The following SH3GL2 variants were observed in gnomAD, a reference collection of about 807,000 sequenced individuals.
SH3GL2 encodes SH3 domain containing GRB2 like 2, endophilin A1.
Under a neutral mutation model 46.0 loss-of-function variants are expected in SH3GL2, and 24 were observed. The observed-to-expected ratio is 0.52, with a 90% CI of 0.38 to 0.73. The LOEUF is 0.73. Ranked by LOEUF, SH3GL2 falls within the 30% of genes least tolerant of loss-of-function variation. The pLI is 0.00. For synonymous variants in SH3GL2, 196 were observed against 147.1 expected, an observed-to-expected ratio of 1.33 and a Z score of -2.40; for missense variants, 413 against 424.2, an observed-to-expected ratio of 0.97 and a Z score of 0.23.
At chr9:17,626,878 T>G (rs1424579989) in intron 1 of SH3GL2, among the ~76,000 whole-genome samples, 1 of 152,168 alleles carries the variant, frequency 6.6e-6, no homozygotes, top group Non-Finnish European at 1.5e-5. Flanking sequence ...AGAGGAGGCC[T>G]TGAAAATAGT....
At chr9:17,714,680 TGTC>T (rs1821708616) in intron 1 of SH3GL2, among the ~76,000 whole-genome samples, 1 of 151,858 alleles carries the variant, frequency 6.6e-6, no homozygotes, top group African/African-American at 2.4e-5. Flanking sequence ...ATGTTACTGT[TGTC>T]GTATATATAT....
intron 1 of SH3GL2, among the ~76,000 whole-genome samples, chr9:17,586,312 G>C (rs1818376843): frequency 6.6e-6 from 1 of 152,066 alleles, no homozygotes; most frequent in African/African-American, 2.4e-5. Context: ...GCTCCATGGA[G>C]GTTTACTTGG....
In SH3GL2 at chr9:17,761,341, G is replaced by T. The variant is rs1237586597; in HGVS notation, c.115-96G>T. 3.8e-6 allele frequency: 3 copies of T among 792,354 alleles called. No homozygotes were observed. The African/African-American group carries it at 5.1e-5, about 13-fold the overall frequency. The allele number at this position is 792,354 out of a possible 1,614,324, so 49.1% of individuals were successfully genotyped here. ...TACTGCGGGACTTGTCCGGGGCTCT[G>T]TTGCATACCCCGCCATTGTATACAG... On this transcript the variant is annotated intron_variant, in intron 2 of 8. Transcript: ENST00000380607.
chr9:17,740,794 T>A (rs1187069414), intron 1 of SH3GL2, among the ~76,000 whole-genome samples: 1 of 152,010 alleles, frequency 6.6e-6, no homozygotes, highest in Non-Finnish European at 1.5e-5. Context: ...TAAATTATGA[T>A]TTTTGACAGT....
chr9:17,612,507 A>G (rs542568033), intron 1 of SH3GL2, among the ~76,000 whole-genome samples: 17 of 152,296 alleles, frequency 1.1e-4, no homozygotes, highest in Non-Finnish European at 1.9e-4. Flanking sequence ...ATGCAGCTCT[A>G]TTGAAATACA....
chr9:17,784,310 C>T (rs1366046471), intron 3 of SH3GL2, among the ~76,000 whole-genome samples: 1 of 152,114 alleles, frequency 6.6e-6, no homozygotes, highest in Non-Finnish European at 1.5e-5. Flanking sequence ...AATTACTTAC[C>T]TGGAGACAGC....
intron 2 of SH3GL2, among the ~76,000 whole-genome samples, chr9:17,752,988 G>A (rs571393838): frequency 6.6e-6 from 1 of 152,214 alleles, no homozygotes; most frequent in East Asian, 1.9e-4. Context: ...GCATTAGTTT[G>A]CTAAAGATAA....
chr9:17,650,544 G>C (rs1183408076), intron 1 of SH3GL2, among the ~76,000 whole-genome samples: 1 of 152,034 alleles, frequency 6.6e-6, no homozygotes, highest in African/African-American at 2.4e-5. Context: ...GCTAATTTTT[G>C]TATTTTTAGT....
chr9:17,721,060 A>C (rs1821883107), intron 1 of SH3GL2, among the ~76,000 whole-genome samples: 1 of 151,950 alleles, frequency 6.6e-6, no homozygotes, highest in African/African-American at 2.4e-5. Flanking sequence ...CTGCTTTCTG[A>C]ACTCTCGCAC....
At chr9:17,635,402 G>C (rs938413170) in intron 1 of SH3GL2, among the ~76,000 whole-genome samples, 3 of 152,158 alleles carry the variant, frequency 2.0e-5, no homozygotes, top group Admixed American at 6.5e-5. Context: ...CATTTAGATT[G>C]ATTCCATGCA....
chr9:17,766,022 T>TAAC (rs1823307527), intron 3 of SH3GL2, among the ~76,000 whole-genome samples: 1 of 152,246 alleles, frequency 6.6e-6, no homozygotes, highest in Admixed American at 6.5e-5. Context: ...CCAACATTTG[T>TAAC]CACATGCATT....
chr9:17,720,420 G>C (rs995220235), intron 1 of SH3GL2, among the ~76,000 whole-genome samples: 1 of 152,078 alleles, frequency 6.6e-6, no homozygotes, highest in African/African-American at 2.4e-5. Context: ...TTGTGGTTGA[G>C]GAAGATTTAT....
At chr9:17,648,020 T>G (rs1378461379) in intron 1 of SH3GL2, among the ~76,000 whole-genome samples, 1 of 152,078 alleles carries the variant, frequency 6.6e-6, no homozygotes, top group Non-Finnish European at 1.5e-5. Flanking sequence ...ATTCTCTTCC[T>G]TGTGATTTAT....
At chr9:17,732,505 A>G (rs1822212117) in intron 1 of SH3GL2, among the ~76,000 whole-genome samples, 1 of 152,144 alleles carries the variant, frequency 6.6e-6, no homozygotes, top group Non-Finnish European at 1.5e-5. Flanking sequence ...CAAGATCAAA[A>G]TCACTGCCTT....
At chr9:17,774,266 T>C (rs1424335696) in intron 3 of SH3GL2, among the ~76,000 whole-genome samples, 1 of 152,142 alleles carries the variant, frequency 6.6e-6, no homozygotes, top group African/African-American at 2.4e-5. Context: ...CTTGTTTACA[T>C]CCAATTTGGA....
At chr9:17,665,700 T>C (rs902891281) in intron 1 of SH3GL2, among the ~76,000 whole-genome samples, 1 of 151,836 alleles carries the variant, frequency 6.6e-6, no homozygotes, top group Non-Finnish European at 1.5e-5. Context: ...TGCTGCATCC[T>C]TGGAATCAGC....
chr9:17,706,066 G>T (rs1012027719), intron 1 of SH3GL2, among the ~76,000 whole-genome samples: 1 of 152,134 alleles, frequency 6.6e-6, no homozygotes, highest in Non-Finnish European at 1.5e-5. Flanking sequence ...ATTAGTCGAT[G>T]ATATCAAAGT....
intron 1 of SH3GL2, among the ~76,000 whole-genome samples, chr9:17,712,368 C>G (rs1427149518): frequency 1.3e-5 from 2 of 151,706 alleles, no homozygotes; most frequent in African/African-American, 4.8e-5. Context: ...GGAGACATCT[C>G]TAAAAAAAAC....
intron 6 of SH3GL2, chr9:17,790,489 C>T: frequency 1.2e-6 from 1 of 815,394 alleles, no homozygotes; most frequent in Non-Finnish European, 1.5e-6. Flanking sequence ...TTATGTAAAA[C>T]AACTTGTGTC....
Sources: allele counts gnomAD v4.1 joint callset (sites outside exome capture counted in the v4.1 genomes callset), GRCh38; gene constraint gnomAD v4.1.1; transcripts MANE v1.5; gene names NCBI Gene and HGNC (gene_info 2026-07-23, HGNC 2026-07-21).